The following GAS2 variants were observed in gnomAD, a reference collection of about 807,000 sequenced individuals.
The protein encoded by GAS2 is growth arrest-specific protein 2.
In GAS2, 20 loss-of-function variants were observed where a neutral mutation model predicts 37.5. The observed-to-expected ratio is 0.53, with a 90% CI of 0.37 to 0.77. The LOEUF (loss-of-function observed/expected upper bound fraction) is 0.77, where lower values mean the gene tolerates loss of function less well. Ranked by LOEUF, GAS2 falls within the 30% of genes least tolerant of loss-of-function variation. The probability of loss-of-function intolerance (pLI) is 0.00; values close to 1 mark genes in which losing one functional copy is unlikely to be tolerated. For synonymous variants in GAS2, 144 were observed against 132.2 expected (o/e 1.09, Z -0.61); for missense variants, 336 against 373.4 (o/e 0.90, Z 0.82).
intron 3 of GAS2, among the ~76,000 whole-genome samples, chr11:22,719,408 T>C (rs930508584): frequency 1.3e-5 from 2 of 152,076 alleles, no homozygotes; most frequent in Non-Finnish European, 2.9e-5. Context: ...AGAGAAGCTT[T>C]CAGTTCACAG....
chr11:22,688,730 T>C (rs1041192005), intron 3 of GAS2, among the ~76,000 whole-genome samples: 4 of 152,158 alleles, frequency 2.6e-5, no homozygotes, highest in African/African-American at 7.2e-5. Context: ...AAAGCTAAAT[T>C]TTTTTCTGAT....
At chr11:22,738,152 A>T (rs1377986940) in intron 5 of GAS2, among the ~76,000 whole-genome samples, 2 of 151,834 alleles carry the variant, frequency 1.3e-5, no homozygotes, top group Admixed American at 1.3e-4. Context: ...CTTTTTAATA[A>T]TTTTCAGCCT....
intron 1 of GAS2, among the ~76,000 whole-genome samples, chr11:22,652,115 GT>G (rs1280156842): frequency 1.3e-5 from 2 of 152,166 alleles, no homozygotes; most frequent in Non-Finnish European, 2.9e-5. Context: ...TGTCCTTTCT[GT>G]TTGTTAGTTT....
chr11:22,735,179 C>G (rs2134210924), intron 4 of GAS2, among the ~76,000 whole-genome samples: 1 of 147,870 alleles, frequency 6.8e-6, no homozygotes, highest in South Asian at 2.1e-4. Context: ...AGTTATGCAA[C>G]TCTACAGATT....
At chr11:22,798,546 T>C (rs768510694) in intron 7 of GAS2, among the ~76,000 whole-genome samples, 10 of 152,008 alleles carry the variant, frequency 6.6e-5, no homozygotes, top group Admixed American at 1.3e-4. Flanking sequence ...TAAAGGACTA[T>C]TGGGAAGTTA....
At chr11:22,750,366 A>C (rs924427307) in intron 6 of GAS2, among the ~76,000 whole-genome samples, 7 of 152,092 alleles carry the variant, frequency 4.6e-5, no homozygotes, top group Non-Finnish European at 1.5e-5. Context: ...ACGATCAACT[A>C]TATTGCAGAT....
intron 7 of GAS2, among the ~76,000 whole-genome samples, chr11:22,763,132 G>A (rs968472795): frequency 7.9e-5 from 12 of 152,276 alleles, no homozygotes; most frequent in Middle Eastern, 3.4e-3. Context: ...ATGTTATGGC[G>A]TTACCTCCTT....
chr11:22,805,396 A>AT (rs1163218208), intron 7 of GAS2, among the ~76,000 whole-genome samples: 1 of 151,958 alleles, frequency 6.6e-6, no homozygotes, highest in Non-Finnish European at 1.5e-5. Flanking sequence ...CTCTTTTTGC[A>AT]TTTTTTTAAT....
At position 22,674,832 on chromosome 11, in the gene GAS2, CT is replaced by C. The variant is rs146000909; in HGVS notation, c.-20-14del. 3.1e-3 allele frequency: 4,798 copies of C among 1,546,546 alleles called. 130 individuals carry two copies. The African/African-American group carries it at 0.059, about 19-fold the overall frequency. ...GAAGTCTGTATAAAAAGCAATTGCT[CT>C]TTTGTTTCCAAAACAGGTATTACAA... On this transcript the variant is annotated splice_polypyrimidine_tract_variant and intron_variant, in intron 1 of 7. Coordinates refer to ENST00000454584, the MANE Select transcript of GAS2 (RefSeq NM_001143830.3).
chr11:22,631,933 A>G (rs1306665063), intron 1 of GAS2, among the ~76,000 whole-genome samples: 2 of 141,090 alleles, frequency 1.4e-5, no homozygotes, highest in East Asian at 4.2e-4. Context: ...CTGTGAATCC[A>G]TCTGGCCCTG....
At chr11:22,702,081 A>G (rs1466794552) in intron 3 of GAS2, 3 of 152,202 alleles carry the variant, frequency 2.0e-5, no homozygotes, top group East Asian at 1.9e-4. Flanking sequence ...CTACACATGC[A>G]TTGCAATGTC....
chr11:22,685,852 AT>A, intron 3 of GAS2, 63 bp downstream of exon 3: 1 of 1,503,500 alleles, frequency 6.7e-7, no homozygotes, highest in Non-Finnish European at 9.0e-7. Context: ...TTGCTTATAA[AT>A]TGTGTGTAAT....
chr11:22,752,335 C>G (rs1363012309), intron 6 of GAS2, among the ~76,000 whole-genome samples: 1 of 151,854 alleles, frequency 6.6e-6, no homozygotes, highest in African/African-American at 2.4e-5. Context: ...TATTTGCATT[C>G]TGTTTGATAG....
At position 22,789,732 on chromosome 11, in the gene GAS2, C is replaced by T. The variant is rs1459213112; in HGVS notation, c.724-22066C>T. On this transcript the variant is annotated intron_variant, in intron 7 of 7. Transcript: ENST00000454584. ...CGCCCGCCTTGGCCTCCCAAAGTCC[C>T]GGGATTAGAGGCGTGAGCCACCGCG... 4.6e-5 allele frequency among the ~76,000 whole-genome samples: 7 copies of T among 151,276 alleles called. No individual in the cohort carries two copies. In the East Asian group the frequency reaches 9.8e-4, roughly 21 times the overall value.
intron 1 of GAS2, among the ~76,000 whole-genome samples, chr11:22,652,670 A>G (rs944465712): frequency 2.0e-5 from 3 of 152,298 alleles, no homozygotes; most frequent in African/African-American, 7.2e-5. Context: ...TTCGGGTGGG[A>G]GTGACCCGAT....
intron 7 of GAS2, among the ~76,000 whole-genome samples, chr11:22,794,584 A>G (rs988151767): frequency 6.6e-6 from 1 of 152,168 alleles, no homozygotes; most frequent in Non-Finnish European, 1.5e-5. Flanking sequence ...TAGCCATGCC[A>G]TAACACTGGT....
At chr11:22,767,464 A>G (rs1429170319) in intron 7 of GAS2, among the ~76,000 whole-genome samples, 2 of 152,138 alleles carry the variant, frequency 1.3e-5, no homozygotes, top group Non-Finnish European at 1.5e-5. Flanking sequence ...TCTACTCGCA[A>G]TGTTTGTAAG....
chr11:22,690,750 C>A (rs185168536), intron 3 of GAS2, among the ~76,000 whole-genome samples: 1 of 152,168 alleles, frequency 6.6e-6, no homozygotes, highest in Admixed American at 6.5e-5. Context: ...CTCAGCTACC[C>A]GATCGGAATT....
At chr11:22,743,390 T>C (rs761006990) in intron 5 of GAS2, among the ~76,000 whole-genome samples, 1 of 152,100 alleles carries the variant, frequency 6.6e-6, no homozygotes. Flanking sequence ...AATTAACTTA[T>C]CAACAATCTC....
Sources: gnomAD v4.1 joint callset for allele counts (sites outside exome capture counted in the v4.1 genomes callset) on GRCh38, gnomAD v4.1.1 for gene constraint, MANE v1.5 for transcripts, NCBI Gene and HGNC (gene_info 2026-07-23, HGNC 2026-07-21) for gene names.